Variants in CDH5 observed in about 807,000 individuals in gnomAD.
CDH5 encodes the protein cadherin-5.
In CDH5, 28 loss-of-function variants were observed where a neutral mutation model predicts 62.0. The observed-to-expected ratio is 0.45, with a 90% CI of 0.33 to 0.62. CDH5 has a LOEUF of 0.62. Among genes scored for constraint, CDH5 ranks in the 20% least tolerant of loss-of-function variants. The pLI is 0.02. For missense variants in CDH5, 940 were observed against 1,065.1 expected, an observed-to-expected ratio of 0.88 and a Z score of 1.63; for synonymous variants, 464 against 445.8, an observed-to-expected ratio of 1.04 and a Z score of -0.52.
At position 66,402,909 on chromosome 16, in the gene CDH5, C is replaced by A. The variant is rs761051782; in HGVS notation, c.2095C>A (p.His699Asn). 2 of 1,611,772 alleles carry A rather than the reference C, an allele frequency of 1.2e-6. No individual in the cohort carries two copies. Among genetic ancestry groups the A allele is most frequent in the Admixed American group, 3.3e-5 (2 of 59,966 alleles). The change falls in exon 12 of 12, where the codon CAC becomes AAC. Residue 699 changes from histidine to asparagine, a missense_variant. Coordinates refer to ENST00000341529, the MANE Select transcript of CDH5 (RefSeq NM_001795.5). ...QKPPRHAPGA[H>N]GGPGEMAAMI... ...GCCACCGAGGCACGCGCCTGGGGCA[C>A]ACGGAGGGCCCGGGGAGATGGCAGC...
At chr16:66,378,418 C>T (rs1387600293) in intron 1 of CDH5, among the ~76,000 whole-genome samples, 2 of 152,172 alleles carry the variant, frequency 1.3e-5, no homozygotes, top group Non-Finnish European at 2.9e-5. Context: ...GTTATAATTA[C>T]ACCAACCTGG....
chr16:66,395,284 T>G (rs1175104222), intron 7 of CDH5, among the ~76,000 whole-genome samples: 1 of 151,292 alleles, frequency 6.6e-6, no homozygotes, highest in Non-Finnish European at 1.5e-5. Flanking sequence ...GTATTTAATT[T>G]TGTGGGGGCA....
intron 7 of CDH5, among the ~76,000 whole-genome samples, chr16:66,394,605 TTTTA>T (rs1961142183): frequency 6.6e-6 from 1 of 152,132 alleles, no homozygotes; most frequent in African/African-American, 2.4e-5. Flanking sequence ...GTGCATCCAT[TTTTA>T]TTTCTACCAG....
chr16:66,395,966 G>A, intron 7 of CDH5, 93 bp from the exon 8 acceptor site: 1 of 1,310,978 alleles, frequency 7.6e-7, no homozygotes, highest in Non-Finnish European at 1.1e-6. Flanking sequence ...TGGGATGCAG[G>A]GGACAGATGC....
intron 7 of CDH5, among the ~76,000 whole-genome samples, chr16:66,394,382 G>C (rs951361594): frequency 2.0e-5 from 3 of 152,172 alleles, no homozygotes; most frequent in African/African-American, 4.8e-5. Flanking sequence ...TTGAAAACAA[G>C]AATGCATTTG....
At chr16:66,384,617 G>T (rs2142322919) in intron 2 of CDH5, among the ~76,000 whole-genome samples, 1 of 149,662 alleles carries the variant, frequency 6.7e-6, no homozygotes, top group African/African-American at 2.5e-5. Flanking sequence ...AGCCGAGCTT[G>T]GTGGTGCACA....
chr16:66,373,041 C>A (rs1030739412), intron 1 of CDH5, among the ~76,000 whole-genome samples: 2 of 152,138 alleles, frequency 1.3e-5, no homozygotes, highest in Non-Finnish European at 2.9e-5. Flanking sequence ...GTGGCCCCTC[C>A]CTGCTCACCA....
chr16:66,389,109 G>A (rs951475520), intron 4 of CDH5, among the ~76,000 whole-genome samples: 1 of 152,176 alleles, frequency 6.6e-6, no homozygotes, highest in Non-Finnish European at 1.5e-5. Flanking sequence ...GCCTAGATAT[G>A]GCCTCATGGT....
intron 2 of CDH5, among the ~76,000 whole-genome samples, chr16:66,381,102 A>G (rs1444604815): frequency 6.6e-6 from 1 of 152,164 alleles, no homozygotes; most frequent in African/African-American, 2.4e-5. Context: ...GCAGCCTTCC[A>G]CAAAATTGTG....
chr16:66,396,281 T>C, intron 8 of CDH5, 80 bp downstream of exon 8: 2 of 1,577,312 alleles, frequency 1.3e-6, no homozygotes, highest in East Asian at 2.2e-5. Flanking sequence ...ATCAATAATT[T>C]GGGGTCTCTA....
chr16:66,378,042 G>A (rs1312519143), intron 1 of CDH5, among the ~76,000 whole-genome samples: 1 of 152,136 alleles, frequency 6.6e-6, no homozygotes, highest in East Asian at 1.9e-4. Context: ...CCATTCCTAT[G>A]AACCCAGACC....
chr16:66,400,902 G>T lies in CDH5; in HGVS notation c.1723G>T (p.Val575Leu), dbSNP rs150701187. The change falls in exon 11 of 12, where the codon GTG (valine) becomes TTG (leucine). Residue 575 changes from valine to leucine, a missense_variant. Coordinates refer to ENST00000341529, the MANE Select transcript of CDH5 (RefSeq NM_001795.5). Reference sequence around the variant, plus strand: ...GGGCACCAGCACGCTGACCGTGGCCGTGTGCAAGTGCAACGAGCAGGGCGA... The same window carrying T: ...GGGCACCAGCACGCTGACCGTGGCCTTGTGCAAGTGCAACGAGCAGGGCGA... ...RTGTSTLTVA[V>L]CKCNEQGEFT... The T allele has an allele frequency of 5.2e-5, 84 of 1,614,186 alleles. No homozygotes were observed. The highest frequency in any genetic ancestry group is 3.3e-4 in the Middle Eastern group (2 of 6,062).
At chr16:66,374,017 T>G (rs888045472) in intron 1 of CDH5, among the ~76,000 whole-genome samples, 1 of 151,924 alleles carries the variant, frequency 6.6e-6, no homozygotes, top group Admixed American at 6.6e-5. Flanking sequence ...AAGCACTAAT[T>G]TGGGGGAAAG....
In CDH5 at chr16:66,386,810, T is replaced by A; in HGVS notation, c.212T>A (p.Ile71Asn). 1 of 1,601,144 alleles carries A rather than the reference T, an allele frequency of 6.2e-7. No homozygotes were observed. The highest frequency in any genetic ancestry group is 2.2e-5 in the East Asian group (1 of 44,462). ...NTSLPHHVGK[I>N]KSSVSRKNAK... is the part of the protein sequence containing the mutation. Reference sequence around the variant, plus strand: ...CTCACGTCACCTCTTCTTTTCTAGATCAAGTCAAGCGTGAGTCGCAAGAAT... The same window carrying A: ...CTCACGTCACCTCTTCTTTTCTAGAACAAGTCAAGCGTGAGTCGCAAGAAT... Residue 71 changes from isoleucine (I) to asparagine (N), a missense_variant and splice_region_variant, in exon 3 of 12, where the codon ATC (isoleucine) becomes AAC (asparagine). Coordinates refer to ENST00000341529, the MANE Select transcript of CDH5 (RefSeq NM_001795.5).
At chr16:66,376,977 A>G (rs1190252159) in intron 1 of CDH5, among the ~76,000 whole-genome samples, 1 of 152,190 alleles carries the variant, frequency 6.6e-6, no homozygotes, top group African/African-American at 2.4e-5. Flanking sequence ...TTCTGCCCAG[A>G]GCCCTGAGAA....
chr16:66,393,092 T>A (rs1961117728), intron 7 of CDH5: 1 of 152,262 alleles, frequency 6.6e-6, no homozygotes, highest in Non-Finnish European at 1.5e-5. Flanking sequence ...TTTAGAGCCA[T>A]ATAATATGCA....
In CDH5 at chr16:66,390,518, G is replaced by A. The variant is rs1258015314; in HGVS notation, c.897G>A (p.Arg299=). The stretch of plus-strand genomic sequence containing the variant: ...GGATGACCAAGTACAGCATCTTGCG[G>A]GGCGACTACCAGGACGCTTTCACCA... ...QNRMTKYSIL[R]GDYQDAFTIE... The change falls in exon 6 of 12, where the codon CGG becomes CGA. Residue 299 remains arginine (R), a synonymous_variant. Coordinates refer to ENST00000341529, the MANE Select transcript of CDH5 (RefSeq NM_001795.5). The A allele has an allele frequency of 6.2e-7, 1 of 1,614,148 alleles. No individual in the cohort carries two copies.
At chr16:66,382,954 C>T (rs536929323) in intron 2 of CDH5, among the ~76,000 whole-genome samples, 1 of 152,156 alleles carries the variant, frequency 6.6e-6, no homozygotes, top group Non-Finnish European at 1.5e-5. Flanking sequence ...TGTTTAAATA[C>T]AGTGATCTTA....
In CDH5 at chr16:66,404,750, A is replaced by G. The variant is rs775653137; in HGVS notation, c.*1581A>G. The stretch of plus-strand genomic sequence containing the variant: ...TGCATGACAAGTACTGTATTTTTTT[A>G]TACCTAAATAAAGAAAAATCTTTAG... On this transcript the variant is annotated 3_prime_UTR_variant, in exon 12 of 12. Coordinates refer to ENST00000341529, the MANE Select transcript of CDH5 (RefSeq NM_001795.5). The G allele has an allele frequency of 3.3e-5, 5 of 152,498 alleles. No homozygotes were observed. Among genetic ancestry groups the G allele is most frequent in the Non-Finnish European group, 7.4e-5 (5 of 68,022 alleles). The allele number at this position is 152,498 out of a possible 1,614,324, so 9.4% of individuals were successfully genotyped here.
Sources: allele counts gnomAD v4.1 joint callset (sites outside exome capture counted in the v4.1 genomes callset), GRCh38; gene constraint gnomAD v4.1.1; transcripts MANE v1.5; gene names NCBI Gene and HGNC (gene_info 2026-07-23, HGNC 2026-07-21).